Variants in NEK4 observed in about 807,000 individuals in gnomAD.
NEK4 encodes the protein serine/threonine-protein kinase Nek4.
In NEK4, 86 loss-of-function variants were observed where a neutral mutation model predicts 98.4. The ratio of observed to expected loss-of-function variants is 0.87; its 90% CI spans 0.73 to 1.05. NEK4 has a LOEUF of 1.05. NEK4 is among the 50% of genes least tolerant of loss of function. The pLI is 0.00. For synonymous variants in NEK4, 328 were observed against 342.2 expected, an observed-to-expected ratio of 0.96 and a Z score of 0.46; for missense variants, 898 against 950.3, an observed-to-expected ratio of 0.94 and a Z score of 0.72.
At chr3:52,735,201 A>G (rs962662257) in intron 15 of NEK4, among the ~76,000 whole-genome samples, 1 of 152,362 alleles carries the variant, frequency 6.6e-6, no homozygotes, top group African/African-American at 2.4e-5. Context: ...GATAGATACT[A>G]AGATTCATCT....
At position 52,766,277 on chromosome 3, in the gene NEK4, G is replaced by A. The variant is rs1312552745; in HGVS notation, c.459C>T (p.Ala153=). 1 of 1,613,908 alleles carries A rather than the reference G, an allele frequency of 6.2e-7. No individual in the cohort carries two copies. Among genetic ancestry groups the A allele is most frequent in the Non-Finnish European group, 8.5e-7 (1 of 1,179,872 alleles). ...TGTCACAGTGGTTCTCTAACACTCG[G>A]GCAATTCCTAGGTCCCCTACTTTGA... ...NIIKVGDLGI[A]RVLENHCDMA... The change falls in exon 3 of 16, where the codon GCC becomes GCT. Residue 153 remains alanine, a synonymous_variant. Transcript: ENST00000233027.
rs1424438814 is a variant in NEK4, at chr3:52,752,183, T to A, written c.1117A>T (p.Lys373Ter). ...CCATCACTCACTGAATCCCTCCCTT[T>A]TGCAGGTAAGATGTCAATATTTACG... is the stretch of plus-strand genomic sequence containing the variant. ...SSVNIDILPAKGRDSVSDGFV... is the reference protein window; with the variant it reads ...SSVNIDILPA The change falls in exon 7 of 16, where the codon AAA becomes TAA. Residue 373 changes from lysine (K) to a stop codon, truncating the protein, a stop_gained. Coordinates refer to ENST00000233027, the MANE Select transcript of NEK4 (RefSeq NM_003157.6). LOFTEE classifies it high-confidence loss of function. The A allele has an allele frequency of 1.2e-6, 2 of 1,614,088 alleles. No individual in the cohort carries two copies. Among genetic ancestry groups the A allele is most frequent in the African/African-American group, 2.7e-5 (2 of 74,926 alleles).
At position 52,720,827 on chromosome 3, in the gene NEK4, AGAGT is replaced by A. The variant is rs550140615; in HGVS notation, c.2434-8962_2434-8959del. Reference sequence around the variant, plus strand: ...TAACTCAAAGCAATGTGAAAACACAAGAGTGCTGGTAAAGGTAATTATAAAACAC... The same window carrying A: ...TAACTCAAAGCAATGTGAAAACACAAGCTGGTAAAGGTAATTATAAAACAC... On this transcript the variant is annotated intron_variant, in intron 15 of 15. Transcript: ENST00000233027. Among the ~76,000 whole-genome samples, 441 of 152,372 alleles carry A rather than the reference AGAGT, an allele frequency of 2.9e-3. 2 individuals carry two copies. The highest frequency in any genetic ancestry group is 6.8e-3 in the Middle Eastern group (2 of 294).
At chr3:52,760,465 C>G (rs1698314372) in intron 6 of NEK4, among the ~76,000 whole-genome samples, 1 of 152,240 alleles carries the variant, frequency 6.6e-6, no homozygotes, top group Non-Finnish European at 1.5e-5. Flanking sequence ...GATCTGCCAG[C>G]CTCGGCCTCC....
At chr3:52,769,006 G>C (rs1328595895) in intron 1 of NEK4, among the ~76,000 whole-genome samples, 1 of 152,124 alleles carries the variant, frequency 6.6e-6, no homozygotes, top group Non-Finnish European at 1.5e-5. Flanking sequence ...GATCACCTGA[G>C]GTCAGGAGTT....
intron 4 of NEK4, among the ~76,000 whole-genome samples, chr3:52,765,262 A>G (rs977081062): frequency 4.6e-5 from 7 of 151,974 alleles, no homozygotes; most frequent in Non-Finnish European, 7.4e-5. Context: ...AAGGCACAAG[A>G]ATCACTTGAA....
At chr3:52,739,041 A>G (rs2097381121) in intron 14 of NEK4, among the ~76,000 whole-genome samples, 1 of 152,268 alleles carries the variant, frequency 6.6e-6, no homozygotes, top group Non-Finnish European at 1.5e-5. Context: ...AAAAAAATTT[A>G]TAGGCATTAG....
In NEK4 at chr3:52,744,307, T is replaced by C. The variant is rs1448999581; in HGVS notation, c.1828-2A>G. On this transcript the variant is annotated splice_acceptor_variant, in intron 10 of 15. Transcript: ENST00000233027. LOFTEE classifies it high-confidence loss of function. Reference sequence around the variant, plus strand: ...CTCTCTGGCTGATAATGGTCGATCCTTTAAAAGAAAGTCACAGAGTCACTT... The same window carrying C: ...CTCTCTGGCTGATAATGGTCGATCCCTTAAAAGAAAGTCACAGAGTCACTT... The C allele has an allele frequency of 6.2e-7, 1 of 1,612,334 alleles. No individual in the cohort carries two copies. Among genetic ancestry groups the C allele is most frequent in the Admixed American group, 1.7e-5 (1 of 60,006 alleles).
Position 52,711,722 on chromosome 3 carries a change from G to A in NEK4, c.*55C>T. 8.5e-7 allele frequency: 1 copy of A among 1,170,616 alleles called. No homozygotes were observed. The highest frequency in any genetic ancestry group is 1.3e-6 in the Non-Finnish European group (1 of 783,362). The allele number at this position is 1,170,616 out of a possible 1,614,324, so 72.5% of individuals were successfully genotyped here. On this transcript the variant is annotated 3_prime_UTR_variant, in exon 16 of 16. Transcript: ENST00000233027. ...ATGACTGTTTGCCCTTGCTTTTTAA[G>A]CCAAAATCCTCTAAAAATAGGTCTT...
At position 52,746,761 on chromosome 3, in the gene NEK4, CTT is replaced by C. The variant is rs1378483096; in HGVS notation, c.1648_1649del (p.Lys550GlufsTer37). 12 of 1,613,978 alleles carry C rather than the reference CTT, an allele frequency of 7.4e-6. No individual in the cohort carries two copies. Among genetic ancestry groups the C allele is most frequent in the East Asian group, 2.2e-5 (1 of 44,886 alleles). On this transcript the variant is annotated frameshift_variant, in exon 9 of 16. Coordinates refer to ENST00000233027, the MANE Select transcript of NEK4 (RefSeq NM_003157.6). LOFTEE classifies it high-confidence loss of function. ...RREQTEHRGE[K>X]RQVRRDLFAF... is the part of the protein sequence containing the mutation. ...CAAAGAGATCTCTGCGGACCTGTCT[CTT>C]TTCCCCTCTGTGCTCAGTCTGTTCT...
chr3:52,769,260 C>G (rs1698694528), intron 1 of NEK4, among the ~76,000 whole-genome samples: 2 of 152,028 alleles, frequency 1.3e-5, no homozygotes, highest in South Asian at 4.2e-4. Context: ...TCCTTAATAT[C>G]TAAGCTCTCC....
At chr3:52,759,923 T>C (rs528083899) in intron 6 of NEK4, among the ~76,000 whole-genome samples, 48 of 152,284 alleles carry the variant, frequency 3.2e-4, no homozygotes, top group African/African-American at 1.1e-3. Flanking sequence ...ACATGCTACA[T>C]GGATGAACCT....
intron 6 of NEK4, among the ~76,000 whole-genome samples, chr3:52,757,945 G>A (rs899416936): frequency 6.6e-5 from 10 of 152,084 alleles, no homozygotes; most frequent in African/African-American, 2.4e-4. Context: ...GGAGGCCAAG[G>A]TGGGTGGATT....
At position 52,711,511 on chromosome 3, in the gene NEK4, T is replaced by TA. The variant is rs1314576942; in HGVS notation, c.*265dup. 1.7e-5 allele frequency: 5 copies of TA among 294,422 alleles called. No individual in the cohort carries two copies. The highest frequency in any genetic ancestry group is 8.7e-5 in the African/African-American group (4 of 46,060). 18.2% of individuals were successfully genotyped at this position (294,422 alleles called of 1,614,324 possible). ...AATTCTAAATATAAACTTGGTGGATTAAGGCTCAGTAAACAGTAATCAAAC... is the reference window on the plus strand; with the variant it reads ...AATTCTAAATATAAACTTGGTGGATTAAAGGCTCAGTAAACAGTAATCAAAC... On this transcript the variant is annotated 3_prime_UTR_variant, in exon 16 of 16. Coordinates refer to ENST00000233027, the MANE Select transcript of NEK4 (RefSeq NM_003157.6).
rs2097347400 is a variant in NEK4, at chr3:52,708,818, G to A, written c.*2959C>T. The A allele has an allele frequency of 1.3e-5, 2 of 151,938 alleles. No homozygotes were observed. Among genetic ancestry groups the A allele is most frequent in the Admixed American group, 1.3e-4 (2 of 15,246 alleles). 9.4% of individuals were successfully genotyped at this position (151,938 alleles called of 1,614,324 possible). Reference sequence around the variant, plus strand: ...TAACACTGCAGTGTAGCCAGAGCAAGGACATAAAACTTCCTTAGCTTTGTA... The same window carrying A: ...TAACACTGCAGTGTAGCCAGAGCAAAGACATAAAACTTCCTTAGCTTTGTA... On this transcript the variant is annotated 3_prime_UTR_variant, in exon 16 of 16. Coordinates refer to ENST00000233027, the MANE Select transcript of NEK4 (RefSeq NM_003157.6).
rs578128931 is a variant in NEK4, at chr3:52,710,541, G to C, written c.*1236C>G. 6.6e-6 allele frequency: 1 copy of C among 152,190 alleles called. No individual in the cohort carries two copies. Among genetic ancestry groups the C allele is most frequent in the South Asian group, 2.1e-4 (1 of 4,826 alleles). The allele number at this position is 152,190 out of a possible 1,614,324, so 9.4% of individuals were successfully genotyped here. On this transcript the variant is annotated 3_prime_UTR_variant, in exon 16 of 16. Coordinates refer to ENST00000233027, the MANE Select transcript of NEK4 (RefSeq NM_003157.6). ...TTTGGGAGGCTGAGGTGAGTGGATT[G>C]CTTGAGCCCAGGAGTTCTGAGATCA...
chr3:52,735,263 T>C (rs952605308), intron 15 of NEK4, among the ~76,000 whole-genome samples: 1 of 152,242 alleles, frequency 6.6e-6, no homozygotes, highest in Non-Finnish European at 1.5e-5. Context: ...ACATCAGAGA[T>C]GTCTAAACTT....
At chr3:52,765,684 C>A (rs1233917496) in intron 4 of NEK4, among the ~76,000 whole-genome samples, 18 of 152,174 alleles carry the variant, frequency 1.2e-4, no homozygotes, top group African/African-American at 4.3e-4. Flanking sequence ...AGCTGGCTTA[C>A]AGATTAATAT....
At chr3:52,719,395 C>T (rs2097358122) in intron 15 of NEK4, among the ~76,000 whole-genome samples, 3 of 151,948 alleles carry the variant, frequency 2.0e-5, no homozygotes, top group Admixed American at 2.0e-4. Flanking sequence ...ACCAGCCTGA[C>T]CAATATGGTG....
Sources: gnomAD v4.1 joint callset for allele counts (sites outside exome capture counted in the v4.1 genomes callset) on GRCh38, gnomAD v4.1.1 for gene constraint, MANE v1.5 for transcripts, NCBI Gene and HGNC (gene_info 2026-07-23, HGNC 2026-07-21) for gene names.